NUDC: variants seen among roughly 807,000 people sequenced by gnomAD.
NUDC encodes nuclear distribution C, dynein complex regulator, also known as nuclear migration protein nudC.
In NUDC, 14 loss-of-function variants were observed where a neutral mutation model predicts 45.0. The ratio of observed to expected loss-of-function variants is 0.31; its 90% CI spans 0.21 to 0.49. The LOEUF is 0.49. NUDC is among the 20% of genes least tolerant of loss of function. The probability of loss-of-function intolerance (pLI) is 0.99; values close to 1 mark genes in which losing one functional copy is unlikely to be tolerated. For missense variants in NUDC, 323 were observed against 426.2 expected, an observed-to-expected ratio of 0.76 and a Z score of 2.13; for synonymous variants, 153 against 156.7, an observed-to-expected ratio of 0.98 and a Z score of 0.17.
At chr1:26,917,791 C>T (rs2082068840), upstream of NUDC, among the ~76,000 whole-genome samples, 1 of 151,304 alleles carries the variant, frequency 6.6e-6, no homozygotes, top group Non-Finnish European at 1.5e-5. Context: ...GAGGCTGAGG[C>T]AGGAGAATCG....
chr1:26,930,691 AC>A (rs2082175868), intron 2 of NUDC, among the ~76,000 whole-genome samples: 1 of 150,018 alleles, frequency 6.7e-6, no homozygotes, highest in Non-Finnish European at 1.5e-5. Flanking sequence ...ATCCTGGGCA[AC>A]AGAGCTAAAC....
At chr1:26,903,904 G>A (rs899453137) in intron 2 of NUDC, among the ~76,000 whole-genome samples, 3 of 151,064 alleles carry the variant, frequency 2.0e-5, no homozygotes, top group East Asian at 1.9e-4. Context: ...CCAGCTACTC[G>A]GGAGGCTGAG....
chr1:26,905,708 CTT>C (rs2082000245), intron 2 of NUDC, among the ~76,000 whole-genome samples: 1 of 152,054 alleles, frequency 6.6e-6, no homozygotes, highest in African/African-American at 2.4e-5. Context: ...ACAGAGGAAT[CTT>C]GATGGCTTGC....
In NUDC at chr1:26,946,359, T is replaced by C; in HGVS notation, c.*178T>C. The C allele has an allele frequency of 1.5e-6, 1 of 673,916 alleles. No homozygotes were observed. Among genetic ancestry groups the C allele is most frequent in the East Asian group, 2.7e-5 (1 of 36,486 alleles). 41.7% of individuals were successfully genotyped at this position (673,916 alleles called of 1,614,324 possible). A position where few individuals can be genotyped will look rare whatever the true frequency, so the allele number is the denominator to read the frequency against. On this transcript the variant is annotated 3_prime_UTR_variant, in exon 9 of 9. Coordinates refer to ENST00000321265, the MANE Select transcript of NUDC (RefSeq NM_006600.4). ...GGTCTTGGGACCTTGTCCTCCCCAGTTGGCCTACTGTTACACATTAAAACG... is the reference window on the plus strand; with the variant it reads ...GGTCTTGGGACCTTGTCCTCCCCAGCTGGCCTACTGTTACACATTAAAACG...
At position 26,941,810 on chromosome 1, in the gene NUDC, G is replaced by A. The variant is rs1331739388; in HGVS notation, c.421G>A (p.Gly141Arg). 1.9e-6 allele frequency: 3 copies of A among 1,613,078 alleles called. No homozygotes were observed. Among genetic ancestry groups the A allele is most frequent in the African/African-American group, 2.7e-5 (2 of 75,008 alleles). The change falls in exon 4 of 9, where the codon GGG becomes AGG. Residue 141 changes from glycine to arginine, a missense_variant. Gly to Arg is a moderately radical substitution (Grantham distance 125). Transcript: ENST00000321265. ...CAAGAACGGCAGCCTTGACTCCCCA[G>A]GGAAGCAGGTGAGATGGACTGCAGG... is the stretch of plus-strand genomic sequence containing the variant. ...QLKNGSLDSP[G>R]KQDTEEDEEE...
rs980708567 is a variant in NUDC, at chr1:26,911,959, C to T, written c.93+724C>T. 6.2e-6 allele frequency: 10 copies of T among 1,614,162 alleles called. No individual in the cohort carries two copies. In the South Asian group the frequency reaches 6.6e-5, roughly 11 times the overall value. On this transcript the variant is annotated intron_variant, in intron 3 of 6. Coordinates refer to the NUDC transcript ENST00000435827. ...TCGGAATGGACTTGAGGGTGGAGGC[C>T]GTGAGGAGGACACGGGTCAGGCGGC...
Position 26,941,519 on chromosome 1 carries a change from A to G in NUDC, c.222A>G (p.Arg74=). 1 of 1,614,040 alleles carries G rather than the reference A, an allele frequency of 6.2e-7. No homozygotes were observed. Among genetic ancestry groups the G allele is most frequent in the Non-Finnish European group, 8.5e-7 (1 of 1,180,008 alleles). The change falls in exon 3 of 9, where the codon AGA becomes AGG. Residue 74 remains arginine, a synonymous_variant. Coordinates refer to ENST00000321265, the MANE Select transcript of NUDC (RefSeq NM_006600.4). ...QLAQKTRREK[R]ARQEAERREK... ...CACAGAAGACCCGGCGGGAGAAGAG[A>G]GCCCGGCAGGAGGCCGAGCGGCGGG...
chr1:26,919,478 C>T (rs956338725), upstream of NUDC, among the ~76,000 whole-genome samples: 9 of 152,164 alleles, frequency 5.9e-5, no homozygotes, highest in African/African-American at 1.9e-4. Context: ...GCTTCTTGTT[C>T]CACACATAAA....
intron 2 of NUDC, among the ~76,000 whole-genome samples, chr1:26,910,266 C>T (rs17162333): frequency 3.4e-4 from 52 of 152,030 alleles, no homozygotes; most frequent in African/African-American, 8.9e-4. Flanking sequence ...CTGTTTTATG[C>T]GTCTGTGTAG....
rs1329299266 is a variant in NUDC at position 26,942,715 on chromosome 1, A to C, written c.485A>C (p.Asn162Thr). 6.2e-7 allele frequency: 1 copy of C among 1,614,106 alleles called. No individual in the cohort carries two copies. The highest frequency in any genetic ancestry group is 8.5e-7 in the Non-Finnish European group (1 of 1,180,046). ...AAGGACAAAGGAAAACTGAAGCCCAACCTAGGCAACGGGGCAGACCTGCCC... is the reference window on the plus strand; with the variant it reads ...AAGGACAAAGGAAAACTGAAGCCCACCCTAGGCAACGGGGCAGACCTGCCC... The part of the protein sequence containing the change: ...DEKDKGKLKP[N>T]LGNGADLPNY... The change falls in exon 5 of 9, where the codon AAC becomes ACC. Residue 162 changes from asparagine to threonine, a missense_variant. This residue lies in a region of NUDC where 245 missense variants were observed against 278.8 expected (regional missense o/e 0.88). Coordinates refer to ENST00000321265, the MANE Select transcript of NUDC (RefSeq NM_006600.4).
intron 2 of NUDC, among the ~76,000 whole-genome samples, chr1:26,933,333 A>G (rs561706816): frequency 2.6e-5 from 4 of 152,264 alleles, no homozygotes; most frequent in African/African-American, 9.6e-5. Flanking sequence ...TAGGTGCACA[A>G]ATCTTTTGAG....
At chr1:26,901,763 TCAGA>T (rs1317968980) in intron 1 of NUDC, among the ~76,000 whole-genome samples, 1 of 152,248 alleles carries the variant, frequency 6.6e-6, no homozygotes, top group East Asian at 1.9e-4. Flanking sequence ...GATTCATAAT[TCAGA>T]CAAAGTCTAC....
At chr1:26,926,811 C>T (rs2082136468) in intron 2 of NUDC, among the ~76,000 whole-genome samples, 1 of 152,104 alleles carries the variant, frequency 6.6e-6, no homozygotes, top group Admixed American at 6.6e-5. Context: ...GTTGGTTAGG[C>T]TGTTCTCAAA....
intron 2 of NUDC, among the ~76,000 whole-genome samples, chr1:26,937,761 C>G (rs1228492939): frequency 6.6e-6 from 1 of 151,856 alleles, no homozygotes; most frequent in Non-Finnish European, 1.5e-5. Context: ...CAAGCAATCC[C>G]CCTGCCTCAG....
In NUDC at chr1:26,913,757, C is replaced by T. The variant is rs775034090; in HGVS notation, c.93+2522C>T. Reference sequence around the variant, plus strand: ...AGGAAGGCCACTGTCTTGGCCAGAACATCCAAGGCCTCCCGGCAGGTGCGA... The same window carrying T: ...AGGAAGGCCACTGTCTTGGCCAGAATATCCAAGGCCTCCCGGCAGGTGCGA... On this transcript the variant is annotated intron_variant, in intron 3 of 6. Transcript: ENST00000435827. 6 of 1,580,286 alleles carry T rather than the reference C, an allele frequency of 3.8e-6. No homozygotes were observed. The East Asian group carries it at 6.8e-5, about 18-fold the overall frequency.
At chr1:26,917,889 A>C (rs2082069429), upstream of NUDC, among the ~76,000 whole-genome samples, 2 of 151,116 alleles carry the variant, frequency 1.3e-5, no homozygotes, top group South Asian at 4.1e-4. Flanking sequence ...TGCGTCTCAA[A>C]AAAAAAAAAA....
intron 2 of NUDC, among the ~76,000 whole-genome samples, chr1:26,940,749 G>T (rs1413138459): frequency 1.3e-5 from 2 of 152,112 alleles, no homozygotes; most frequent in African/African-American, 4.8e-5. Context: ...GCAGTGGCCT[G>T]ATCTCAGCTC....
intron 2 of NUDC, among the ~76,000 whole-genome samples, chr1:26,936,134 AATATATAT>A: frequency 0.013 from 89 of 6,810 alleles, 1 homozygote; most frequent in East Asian, 0.041. Flanking sequence ...ACGCCCGGCT[AATATATAT>A]ATATATATAT....
chr1:26,927,990 C>T (rs1198769467), intron 2 of NUDC, among the ~76,000 whole-genome samples: 1 of 151,986 alleles, frequency 6.6e-6, no homozygotes, highest in Non-Finnish European at 1.5e-5. Context: ...CTGTAAATAC[C>T]TCATGCCACG....
Sources: allele counts gnomAD v4.1 joint callset (sites outside exome capture counted in the v4.1 genomes callset), GRCh38; gene constraint gnomAD v4.1.1; regional missense constraint gnomAD v4.1.1; transcripts MANE v1.5; gene names NCBI Gene and HGNC (gene_info 2026-07-23, HGNC 2026-07-21).